Variants in NCALD observed in about 807,000 individuals in gnomAD.
NCALD encodes the protein neurocalcin delta, also known as neurocalcin-delta.
A neutral mutation model predicts 18.6 loss-of-function variants in NCALD; 10 were observed. The observed-to-expected ratio is 0.54, with a 90% CI of 0.33 to 0.91. The LOEUF (loss-of-function observed/expected upper bound fraction) is 0.91, where lower values mean the gene tolerates loss of function less well. Ranked by LOEUF, NCALD falls within the 40% of genes least tolerant of loss-of-function variation. NCALD has a pLI of 0.03. For synonymous variants in NCALD, 88 were observed against 87.4 expected, an observed-to-expected ratio of 1.01 and a Z score of -0.04; for missense variants, 184 against 247.6, an observed-to-expected ratio of 0.74 and a Z score of 1.72.
At chr8:102,101,325 T>G (rs1825274303) in intron 1 of NCALD, among the ~76,000 whole-genome samples, 1 of 152,242 alleles carries the variant, frequency 6.6e-6, no homozygotes, top group South Asian at 2.1e-4. Flanking sequence ...ATCCTCTTTT[T>G]TTTAAGTTAG....
chr8:101,942,804 T>C (rs1170370087), intron 2 of NCALD, among the ~76,000 whole-genome samples: 1 of 152,208 alleles, frequency 6.6e-6, no homozygotes, highest in Non-Finnish European at 1.5e-5. Flanking sequence ...AGTAGGTGGT[T>C]GAGCCAGCAT....
At chr8:101,980,483 C>T (rs73293349) in intron 2 of NCALD, among the ~76,000 whole-genome samples, 6,024 of 151,964 alleles carry the variant, frequency 0.04, 168 homozygotes, top group African/African-American at 0.077. Context: ...AGACTATTGG[C>T]GAAGGGTCTC....
chr8:101,700,991 A>C (rs1371764520), intron 2 of NCALD, among the ~76,000 whole-genome samples: 1 of 152,210 alleles, frequency 6.6e-6, no homozygotes, highest in African/African-American at 2.4e-5. Context: ...CGTGACACTC[A>C]GATCAGATGG....
At position 101,965,564 on chromosome 8, in the gene NCALD, T is replaced by C. The variant is rs550443496; in HGVS notation, c.-156-49706A>G. On this transcript the variant is annotated intron_variant, in intron 2 of 6. Coordinates refer to the NCALD transcript ENST00000311028. ...TCACTCATAAGTGGGAGTTGAACAA[T>C]GAGAACACATGGACACAGGGAGGGG... Among the ~76,000 whole-genome samples the C allele has an allele frequency of 6.6e-5, 10 of 152,038 alleles. No individual in the cohort carries two copies. In the South Asian group the frequency reaches 2.1e-3, roughly 32 times the overall value.
chr8:102,022,779 G>C (rs1269716), intron 1 of NCALD, among the ~76,000 whole-genome samples: 119,713 of 152,110 alleles, frequency 0.79, 47,699 homozygotes, highest in African/African-American at 0.9. Flanking sequence ...GCTGGAAGAA[G>C]GTATGGAGAG....
At chr8:102,106,257 G>GC (rs1045880252) in intron 1 of NCALD, among the ~76,000 whole-genome samples, 1 of 133,604 alleles carries the variant, frequency 7.5e-6, no homozygotes, top group Non-Finnish European at 1.8e-5. Context: ...ATTTTTAGTA[G>GC]GGGGGGTGGT....
At chr8:101,891,763 G>GA (rs1365797344) in intron 3 of NCALD, among the ~76,000 whole-genome samples, 1 of 152,186 alleles carries the variant, frequency 6.6e-6, no homozygotes, top group Non-Finnish European at 1.5e-5. Flanking sequence ...GACGTACCTG[G>GA]AAAATCAGGT....
chr8:102,004,974 G>A (rs1170918708), intron 2 of NCALD, among the ~76,000 whole-genome samples: 2 of 152,162 alleles, frequency 1.3e-5, no homozygotes, highest in Non-Finnish European at 2.9e-5. Context: ...TCGTGGGCAA[G>A]GACTTCATGT....
intron 3 of NCALD, among the ~76,000 whole-genome samples, chr8:101,903,339 A>G (rs539732680): frequency 6.6e-6 from 1 of 151,832 alleles, no homozygotes; most frequent in East Asian, 1.9e-4. Context: ...TGGGACTGCA[A>G]GTGTGTGCCA....
In NCALD at chr8:101,845,127, G is replaced by A. The variant is rs1014128909; in HGVS notation, c.-20+42014C>T. 3.9e-5 allele frequency among the ~76,000 whole-genome samples: 6 copies of A among 152,220 alleles called. No homozygotes were observed. In the South Asian group the frequency reaches 6.2e-4, roughly 16 times the overall value. On this transcript the variant is annotated intron_variant, in intron 4 of 6. Coordinates refer to the NCALD transcript ENST00000311028. ...AAGGGAGCCAGGGGCAGTGCCACTC[G>A]AAGGAGTCAGTCTATGAACGATTTG...
chr8:101,951,761 G>A (rs572644057), intron 2 of NCALD, among the ~76,000 whole-genome samples: 2 of 152,246 alleles, frequency 1.3e-5, no homozygotes, highest in South Asian at 2.1e-4. Flanking sequence ...AAGTTTCCAC[G>A]ATGGATATCC....
intron 1 of NCALD, among the ~76,000 whole-genome samples, chr8:102,039,328 G>T (rs1822972334): frequency 6.6e-6 from 1 of 152,160 alleles, no homozygotes; most frequent in Non-Finnish European, 1.5e-5. Context: ...AATGATGATT[G>T]TTAGAATATG....
At chr8:101,872,883 C>T (rs780608970) in intron 4 of NCALD, among the ~76,000 whole-genome samples, 2 of 152,134 alleles carry the variant, frequency 1.3e-5, no homozygotes, top group African/African-American at 2.4e-5. Flanking sequence ...CCAAGCTGAG[C>T]CCCTCTGTGT....
rs1812311359 is a variant in NCALD at position 101,788,272 on chromosome 8, A to C, written c.-20+2590T>G. The stretch of plus-strand genomic sequence containing the variant: ...TTGACTCAGGGGTGGATAAAATTCA[A>C]GAGGGCCTGGGGAACTTGGTTGGGA... On this transcript the variant is annotated intron_variant, in intron 1 of 3. Coordinates refer to ENST00000220931, the MANE Select transcript of NCALD (RefSeq NM_032041.3). Among the ~76,000 whole-genome samples, 4 of 152,176 alleles carry C rather than the reference A, an allele frequency of 2.6e-5. No homozygotes were observed. The South Asian group carries it at 8.3e-4, about 32-fold the overall frequency.
intron 4 of NCALD, among the ~76,000 whole-genome samples, chr8:101,824,569 G>T (rs1813854303): frequency 6.6e-6 from 1 of 151,502 alleles, no homozygotes; most frequent in African/African-American, 2.4e-5. Flanking sequence ...ATTTTGTTTA[G>T]CTCAACAATA....
At chr8:102,043,323 GT>G (rs1444544759) in intron 1 of NCALD, among the ~76,000 whole-genome samples, 1 of 151,840 alleles carries the variant, frequency 6.6e-6, no homozygotes, top group East Asian at 1.9e-4. Context: ...AATTTGTTTA[GT>G]TTTTTGTTTT....
At chr8:101,693,137 CCT>C (rs1490687758) in intron 2 of NCALD, 3 of 388,486 alleles carry the variant, frequency 7.7e-6, no homozygotes, top group Non-Finnish European at 1.4e-5. Flanking sequence ...CCAGTAGACC[CCT>C]GTGTCTCCAA....
intron 1 of NCALD, among the ~76,000 whole-genome samples, chr8:102,116,139 A>T (rs1444747291): frequency 1.3e-5 from 2 of 152,122 alleles, no homozygotes; most frequent in Admixed American, 6.5e-5. Flanking sequence ...GGATAGCATT[A>T]GGAGATATAC....
chr8:101,805,178 C>T (rs544893982), intron 4 of NCALD, among the ~76,000 whole-genome samples: 75 of 152,274 alleles, frequency 4.9e-4, no homozygotes, highest in Non-Finnish European at 6.0e-4. Context: ...TATACTAAAA[C>T]TCTGAAAGAA....
Sources: allele counts gnomAD v4.1 joint callset (sites outside exome capture counted in the v4.1 genomes callset), GRCh38; gene constraint gnomAD v4.1.1; transcripts MANE v1.5; gene names NCBI Gene and HGNC (gene_info 2026-07-23, HGNC 2026-07-21).